The following NAA11 variants were observed in gnomAD, a reference collection of about 807,000 sequenced individuals.
NAA11 encodes the protein N-alpha-acetyltransferase 11, NatA catalytic subunit.
A neutral mutation model predicts 16.1 loss-of-function variants in NAA11; 15 were observed. The observed-to-expected ratio is 0.93, with a 90% CI of 0.62 to 1.44. The LOEUF (loss-of-function observed/expected upper bound fraction) is 1.44, where lower values mean the gene tolerates loss of function less well. NAA11 is among the 40% of genes most tolerant of loss of function. The probability of loss-of-function intolerance (pLI) is 0.00; values close to 1 mark genes in which losing one functional copy is unlikely to be tolerated. For missense variants in NAA11, 298 were observed against 291.3 expected, an observed-to-expected ratio of 1.02 and a Z score of -0.17; for synonymous variants, 122 against 112.4, an observed-to-expected ratio of 1.09 and a Z score of -0.54.
the NAA11 span, among the ~76,000 whole-genome samples, chr4:79,168,488 C>T: frequency 3.3e-5 from 5 of 152,222 alleles, no homozygotes; most frequent in African/African-American, 9.6e-5. Context: ...CTCCCACTAA[C>T]ACTGTAAAAG....
At position 79,325,402 on chromosome 4, in the gene NAA11, C is replaced by G; in HGVS notation, c.476G>C (p.Arg159Thr). The G allele has an allele frequency of 6.2e-7, 1 of 1,614,196 alleles. No homozygotes were observed. Among genetic ancestry groups the G allele is most frequent in the Non-Finnish European group, 8.5e-7 (1 of 1,180,022 alleles). Residue 159 changes from arginine to threonine, a missense_variant, in exon 1 of 2, where the codon AGA (arginine) becomes ACA (threonine). Coordinates refer to ENST00000286794, the MANE Select transcript of NAA11 (RefSeq NM_032693.3). ...RDLSQMADEL[R>T]RQMDLKKGGY... is the part of the protein sequence containing the mutation. ...GCCCTTCTTCAGGTCCATTTGTCGT[C>G]TCAGCTCATCTGCCATCTGCGAGAG... is the stretch of plus-strand genomic sequence containing the variant.
At chr4:79,242,169 G>A (rs541492990) in intron 2 of NAA11, among the ~76,000 whole-genome samples, 8 of 152,244 alleles carry the variant, frequency 5.3e-5, no homozygotes, top group East Asian at 1.9e-4. Context: ...CATTCATACC[G>A]CCATGAATGC....
chr4:79,192,327 A>AT, the NAA11 span, among the ~76,000 whole-genome samples: 53 of 150,214 alleles, frequency 3.5e-4, no homozygotes, highest in Admixed American at 2.1e-3. Context: ...TGCTGCACCC[A>AT]TTAACTCATC....
At chr4:79,268,126 G>T (rs1338449811) in intron 2 of NAA11, among the ~76,000 whole-genome samples, 1 of 152,140 alleles carries the variant, frequency 6.6e-6, no homozygotes, top group Non-Finnish European at 1.5e-5. Flanking sequence ...TGATGAATCT[G>T]AAGGAAAGGT....
intron 2 of NAA11, among the ~76,000 whole-genome samples, chr4:79,235,802 G>A (rs535037436): frequency 6.6e-6 from 1 of 152,094 alleles, no homozygotes; most frequent in African/African-American, 2.4e-5. Flanking sequence ...AATATTACTG[G>A]AAGTTATGAA....
intron 2 of NAA11, among the ~76,000 whole-genome samples, chr4:79,236,731 A>T (rs550404976): frequency 1.3e-5 from 2 of 152,278 alleles, no homozygotes; most frequent in East Asian, 3.9e-4. Context: ...CATTCTTGAC[A>T]TTAGGGACAG....
chr4:79,157,275 C>T, the NAA11 span, among the ~76,000 whole-genome samples: 17 of 151,930 alleles, frequency 1.1e-4, no homozygotes, highest in African/African-American at 3.6e-4. Flanking sequence ...CCCCTAAGTC[C>T]CCAAAGTCCA....
chr4:79,303,073 C>CTT (rs1158001282), intron 1 of NAA11, among the ~76,000 whole-genome samples: 38 of 67,994 alleles, frequency 5.6e-4, no homozygotes, highest in Non-Finnish European at 7.2e-4. Context: ...CTCTTGAGGC[C>CTT]TTTTATATAT....
At chr4:79,189,036 C>T in the NAA11 span, among the ~76,000 whole-genome samples, 176 of 150,762 alleles carry the variant, frequency 1.2e-3, no homozygotes, top group African/African-American at 4.1e-3. Flanking sequence ...GTCCCAGCTA[C>T]TCGGGAGGCT....
chr4:79,300,315 A>C (rs1723349480), intron 1 of NAA11, among the ~76,000 whole-genome samples: 2 of 152,158 alleles, frequency 1.3e-5, no homozygotes, highest in African/African-American at 4.8e-5. Context: ...ATCTCAAAGC[A>C]CATTTTGTTG....
At chr4:79,227,601 T>C (rs565380653) in intron 2 of NAA11, 15 of 152,174 alleles carry the variant, frequency 9.9e-5, no homozygotes, top group African/African-American at 3.6e-4. Flanking sequence ...GGTTTCACTT[T>C]GGTTACATTT....
At chr4:79,251,312 C>A (rs1484863280) in intron 2 of NAA11, among the ~76,000 whole-genome samples, 3 of 152,114 alleles carry the variant, frequency 2.0e-5, no homozygotes, top group African/African-American at 7.2e-5. Flanking sequence ...TGAATGAGAT[C>A]ATGTTCTTTG....
chr4:79,240,643 G>A (rs1176608439), intron 2 of NAA11, among the ~76,000 whole-genome samples: 1 of 152,126 alleles, frequency 6.6e-6, no homozygotes, highest in Non-Finnish European at 1.5e-5. Flanking sequence ...ATTGAATGGG[G>A]AGATGAGACT....
chr4:79,174,233 A>G, the NAA11 span, among the ~76,000 whole-genome samples: 1 of 152,314 alleles, frequency 6.6e-6, no homozygotes, highest in South Asian at 2.1e-4. Context: ...TTTTTAAAGA[A>G]TATGGAGAAT....
At chr4:79,251,370 A>G (rs1367536140) in intron 2 of NAA11, among the ~76,000 whole-genome samples, 1 of 152,230 alleles carries the variant, frequency 6.6e-6, no homozygotes, top group Non-Finnish European at 1.5e-5. Context: ...AAACTAACAC[A>G]GGAACAGAAA....
rs1365214722 is a variant in NAA11, at chr4:79,269,651, T to A, written c.*122+24354A>T. Among the ~76,000 whole-genome samples, 3 of 148,272 alleles carry A rather than the reference T, an allele frequency of 2.0e-5. No homozygotes were observed. In the South Asian group the frequency reaches 6.6e-4, roughly 32 times the overall value. ...TGAAAATTTTCTCCCATTTTGTAGG[T>A]TGCCTGTTCACTCTGATGGTAGTTT... On this transcript the variant is annotated intron_variant and NMD_transcript_variant, in intron 2 of 2. Coordinates refer to the NAA11 transcript ENST00000511542.
At chr4:79,164,121 A>G in the NAA11 span, among the ~76,000 whole-genome samples, 1 of 152,086 alleles carries the variant, frequency 6.6e-6, no homozygotes, top group Non-Finnish European at 1.5e-5. Flanking sequence ...CATTTCATAG[A>G]ACCCATCCTG....
the NAA11 span, among the ~76,000 whole-genome samples, chr4:79,188,599 A>AG: frequency 4.6e-5 from 7 of 151,756 alleles, no homozygotes; most frequent in African/African-American, 1.7e-4. Flanking sequence ...AAAAAGAAAA[A>AG]AAAAAAGACA....
intron 2 of NAA11, among the ~76,000 whole-genome samples, chr4:79,279,603 C>T (rs1722740354): frequency 6.6e-6 from 1 of 152,108 alleles, no homozygotes; most frequent in Admixed American, 6.6e-5. Flanking sequence ...TGCTTTGCTA[C>T]TCTAATGACC....
Sources: allele counts gnomAD v4.1 joint callset (sites outside exome capture counted in the v4.1 genomes callset), GRCh38; gene constraint gnomAD v4.1.1; transcripts MANE v1.5; gene names NCBI Gene and HGNC (gene_info 2026-07-23, HGNC 2026-07-21).